CHRM3: variants seen among roughly 807,000 people sequenced by gnomAD.
CHRM3 encodes the protein muscarinic acetylcholine receptor M3.
In CHRM3, 11 loss-of-function variants were observed where a neutral mutation model predicts 41.8. That is an observed-to-expected ratio of 0.26 (90% CI 0.17 to 0.44). The LOEUF is 0.44. Ranked by LOEUF, CHRM3 falls within the 20% of genes least tolerant of loss-of-function variation. The pLI, the probability that CHRM3 is intolerant of heterozygous loss-of-function variation, is 1.00. For missense variants in CHRM3, 571 were observed against 745.4 expected (o/e 0.77, Z 2.72); for synonymous variants, 297 against 301.4 (o/e 0.99, Z 0.15).
intron 1 of CHRM3, among the ~76,000 whole-genome samples, chr1:239,405,858 T>C (rs1660552031): frequency 6.6e-6 from 1 of 152,146 alleles, no homozygotes; most frequent in African/African-American, 2.4e-5. Context: ...AATTTGGCTA[T>C]CTGCTCTATT....
rs376172464 is a variant in CHRM3, at chr1:239,461,853, C to T, written c.-520-30856C>T. On this transcript the variant is annotated intron_variant, in intron 1 of 6. Coordinates refer to ENST00000676153, the MANE Select transcript of CHRM3 (RefSeq NM_001375978.1). ...ACATGTTGGTTGGTTACATTCTGCC[C>T]TCCTTTCCTTCATCATCTCCCTTCT... 2.6e-4 allele frequency among the ~76,000 whole-genome samples: 40 copies of T among 152,058 alleles called. 1 individual carries two copies. In the Middle Eastern group the frequency reaches 0.014, roughly 52 times the overall value.
chr1:239,486,030 T>C (rs964351051), intron 1 of CHRM3, among the ~76,000 whole-genome samples: 1 of 152,178 alleles, frequency 6.6e-6, no homozygotes, highest in Non-Finnish European at 1.5e-5. Context: ...GCTCTGCTGT[T>C]TTTACTCATT....
chr1:239,409,455 A>G (rs964208724), intron 1 of CHRM3, among the ~76,000 whole-genome samples: 5 of 152,182 alleles, frequency 3.3e-5, no homozygotes, highest in African/African-American at 9.7e-5. Flanking sequence ...TTTATGAACT[A>G]TTTGGACAGG....
chr1:239,705,019 A>C (rs1661014457), intron 5 of CHRM3: 1 of 152,256 alleles, frequency 6.6e-6, no homozygotes, highest in South Asian at 2.1e-4. Flanking sequence ...TGGGCAACAC[A>C]ATGAGACCCT....
In CHRM3 at chr1:239,911,406, T is replaced by A. The variant is rs1184319613; in HGVS notation, c.*2182T>A. On this transcript the variant is annotated 3_prime_UTR_variant, in exon 7 of 7. Transcript: ENST00000676153. ...ACCTGTGAAACATCTAGTAAGCAAT[T>A]GCATCTATATTTTATTTCTCAAGTT... 1 of 167,026 alleles carries A rather than the reference T, an allele frequency of 6.0e-6. No homozygotes were observed. Among genetic ancestry groups the A allele is most frequent in the Non-Finnish European group, 1.5e-5 (1 of 68,120 alleles). 10.3% of individuals were successfully genotyped at this position (167,026 alleles called of 1,614,324 possible).
Position 239,820,874 on chromosome 1 carries a change from A to G in CHRM3, c.-146-6378A>G, listed in dbSNP as rs78352219. On this transcript the variant is annotated intron_variant, in intron 5 of 6. Coordinates refer to ENST00000676153, the MANE Select transcript of CHRM3 (RefSeq NM_001375978.1). Reference sequence around the variant, plus strand: ...CCAAATTGCAAATCTATTATGTATCAATGAAAAATAAATTTTAAAAAATGT... The same window carrying G: ...CCAAATTGCAAATCTATTATGTATCGATGAAAAATAAATTTTAAAAAATGT... Among the ~76,000 whole-genome samples the G allele has an allele frequency of 2.8e-3, 430 of 152,300 alleles. 5 individuals are homozygous for G. The highest frequency in any genetic ancestry group is 9.8e-3 in the African/African-American group (409 of 41,570).
chr1:239,402,141 G>A (rs949428160), intron 1 of CHRM3, among the ~76,000 whole-genome samples: 4 of 152,050 alleles, frequency 2.6e-5, no homozygotes, highest in African/African-American at 4.8e-5. Flanking sequence ...CACCTCTAAT[G>A]TATGATTTGG....
intron 5 of CHRM3, among the ~76,000 whole-genome samples, chr1:239,764,301 A>G (rs1667032645): frequency 6.6e-6 from 1 of 152,200 alleles, no homozygotes; most frequent in African/African-American, 2.4e-5. Flanking sequence ...TTGGCCAAAA[A>G]GGGGAATATT....
chr1:239,782,842 T>C (rs1668604716), intron 5 of CHRM3, among the ~76,000 whole-genome samples: 1 of 152,144 alleles, frequency 6.6e-6, no homozygotes, highest in Admixed American at 6.5e-5. Context: ...ATATTCCAAA[T>C]TTCTTTTTGC....
At chr1:239,805,342 C>T (rs1670547446) in intron 5 of CHRM3, among the ~76,000 whole-genome samples, 1 of 152,172 alleles carries the variant, frequency 6.6e-6, no homozygotes, top group African/African-American at 2.4e-5. Flanking sequence ...CTAAGTTCGC[C>T]ATTTCACTCG....
intron 2 of CHRM3, among the ~76,000 whole-genome samples, chr1:239,527,839 C>G (rs1056980731): frequency 6.6e-6 from 1 of 152,172 alleles, no homozygotes; most frequent in African/African-American, 2.4e-5. Flanking sequence ...ATATTTAAAT[C>G]TATGTTATAT....
chr1:239,785,657 A>T (rs1668833391), intron 5 of CHRM3, among the ~76,000 whole-genome samples: 1 of 152,046 alleles, frequency 6.6e-6, no homozygotes, highest in Non-Finnish European at 1.5e-5. Context: ...TCAGTGCTTT[A>T]TAGATTTCTC....
intron 4 of CHRM3, among the ~76,000 whole-genome samples, chr1:239,662,893 C>CTCTTCTTCTTTTTCTTCTTCTTCT (rs1673361578): frequency 6.5e-5 from 3 of 46,352 alleles, no homozygotes; most frequent in African/African-American, 2.4e-4. Flanking sequence ...CTTCCTCCTC[C>CTCTTCTTCTTTTTCTTCTTCTTCT]TCTTCTTCTT....
At chr1:239,812,725 G>C (rs1271437751) in intron 5 of CHRM3, among the ~76,000 whole-genome samples, 1 of 152,166 alleles carries the variant, frequency 6.6e-6, no homozygotes, top group Non-Finnish European at 1.5e-5. Context: ...CCATGGGCTG[G>C]GTGCCTACCT....
rs1680480911 is a variant in CHRM3, at chr1:239,913,574, C to T, written c.*4350C>T. Reference sequence around the variant, plus strand: ...CTCCCAGCATTAATGTGTGAGTCAACATTGCAGACCTGAGAAAGGTTTCTA... The same window carrying T: ...CTCCCAGCATTAATGTGTGAGTCAATATTGCAGACCTGAGAAAGGTTTCTA... On this transcript the variant is annotated 3_prime_UTR_variant, in exon 7 of 7. Transcript: ENST00000676153. 1 of 166,988 alleles carries T rather than the reference C, an allele frequency of 6.0e-6. No homozygotes were observed. Among genetic ancestry groups the T allele is most frequent in the Admixed American group, 6.5e-5 (1 of 15,280 alleles). The allele number at this position is 166,988 out of a possible 1,614,324, so 10.3% of individuals were successfully genotyped here.
intron 5 of CHRM3, among the ~76,000 whole-genome samples, chr1:239,752,339 A>G (rs953925183): frequency 6.6e-6 from 1 of 152,210 alleles, no homozygotes; most frequent in Non-Finnish European, 1.5e-5. Flanking sequence ...TATTTCTGTC[A>G]GAGAAGAGAA....
intron 3 of CHRM3, among the ~76,000 whole-genome samples, chr1:239,617,435 G>A (rs1032798643): frequency 3.9e-5 from 6 of 152,128 alleles, no homozygotes; most frequent in African/African-American, 7.2e-5. Context: ...CAGCAAGGGT[G>A]AATTTTTGGC....
At chr1:239,590,364 G>T (rs775514576) in intron 3 of CHRM3, among the ~76,000 whole-genome samples, 1 of 152,082 alleles carries the variant, frequency 6.6e-6, no homozygotes, top group Non-Finnish European at 1.5e-5. Context: ...CATGTCCTTA[G>T]AGACTTTATA....
At chr1:239,782,449 G>GT (rs1270923564) in intron 5 of CHRM3, among the ~76,000 whole-genome samples, 20 of 152,052 alleles carry the variant, frequency 1.3e-4, no homozygotes, top group African/African-American at 4.8e-4. Flanking sequence ...GTTATCTGCA[G>GT]TGATGTCTCC....
Sources: allele counts gnomAD v4.1 joint callset (sites outside exome capture counted in the v4.1 genomes callset), GRCh38; gene constraint gnomAD v4.1.1; transcripts MANE v1.5; gene names NCBI Gene and HGNC (gene_info 2026-07-23, HGNC 2026-07-21).